The following HAVCR2 variants were observed in gnomAD, a reference collection of about 807,000 sequenced individuals.
HAVCR2 encodes hepatitis A virus cellular receptor 2, also known as T cell immunoglobulin mucin 3.
A neutral mutation model predicts 24.7 loss-of-function variants in HAVCR2; 13 were observed. The observed-to-expected ratio is 0.53, with a 90% CI of 0.34 to 0.84. The LOEUF (loss-of-function observed/expected upper bound fraction) is 0.84. Among genes scored for constraint, HAVCR2 ranks in the 40% least tolerant of loss-of-function variants. HAVCR2 has a pLI of 0.01. For synonymous variants in HAVCR2, 154 were observed against 143.4 expected, an observed-to-expected ratio of 1.07 and a Z score of -0.53; for missense variants, 343 against 371.2, an observed-to-expected ratio of 0.92 and a Z score of 0.62.
intron 5 of HAVCR2, among the ~76,000 whole-genome samples, chr5:157,089,327 C>G (rs950781057): frequency 2.6e-5 from 4 of 152,000 alleles, no homozygotes; most frequent in African/African-American, 9.7e-5. Context: ...AAACAGTACC[C>G]CAGACCCAAG....
At chr5:157,100,612 A>T (rs922826359) in intron 3 of HAVCR2, among the ~76,000 whole-genome samples, 3 of 152,208 alleles carry the variant, frequency 2.0e-5, no homozygotes, top group Admixed American at 2.0e-4. Flanking sequence ...TGAGTCAGAG[A>T]TGTTGAAACT....
chr5:157,087,552 G>A (rs1214400435), intron 6 of HAVCR2, among the ~76,000 whole-genome samples: 1 of 152,032 alleles, frequency 6.6e-6, no homozygotes, highest in Non-Finnish European at 1.5e-5. Flanking sequence ...ATTTCTCGGA[G>A]GTGCAGGCTG....
chr5:157,089,450 C>G (rs937893158), intron 5 of HAVCR2, among the ~76,000 whole-genome samples: 2 of 151,556 alleles, frequency 1.3e-5, no homozygotes, highest in African/African-American at 4.9e-5. Flanking sequence ...GCAGGAGAAT[C>G]ACATGAACCC....
At chr5:157,098,965 T>C in intron 3 of HAVCR2, 64 bp from the exon 4 acceptor site, 1 of 1,476,976 alleles carries the variant, frequency 6.8e-7, no homozygotes, top group Non-Finnish European at 9.2e-7. Flanking sequence ...AAGAACGTTT[T>C]CTTTTATCTA....
intron 5 of HAVCR2, among the ~76,000 whole-genome samples, chr5:157,094,449 T>C (rs972040733): frequency 1.4e-4 from 22 of 151,960 alleles, no homozygotes; most frequent in Middle Eastern, 3.4e-3. Context: ...AGTGGCATGA[T>C]CTGAGCTCAC....
In HAVCR2 at chr5:157,099,942, C is replaced by T. The variant is rs968334217; in HGVS notation, c.479-1041G>A. ...AACTCCTGACCTCAAGTGATCCACCCGCCTCGGCCTCCCAAAGTGCTGGGA... is the reference window on the plus strand; with the variant it reads ...AACTCCTGACCTCAAGTGATCCACCTGCCTCGGCCTCCCAAAGTGCTGGGA... On this transcript the variant is annotated intron_variant, in intron 3 of 6. Coordinates refer to ENST00000307851, the MANE Select transcript of HAVCR2 (RefSeq NM_032782.5). Among the ~76,000 whole-genome samples, 6 of 152,266 alleles carry T rather than the reference C, an allele frequency of 3.9e-5. No individual in the cohort carries two copies. The South Asian group carries it at 6.2e-4, about 16-fold the overall frequency.
intron 5 of HAVCR2, among the ~76,000 whole-genome samples, chr5:157,094,571 TG>T (rs779146922): frequency 6.6e-6 from 1 of 151,696 alleles, no homozygotes; most frequent in South Asian, 2.1e-4. Flanking sequence ...TTAGTAGAGA[TG>T]GGGTCTCACC....
intron 1 of HAVCR2, among the ~76,000 whole-genome samples, chr5:157,107,513 A>G (rs1013934953): frequency 6.6e-6 from 1 of 152,212 alleles, no homozygotes; most frequent in African/African-American, 2.4e-5. Flanking sequence ...TGTATTTGAA[A>G]CTACTCATGG....
Position 157,099,454 on chromosome 5 carries a change from G to C in HAVCR2, c.479-553C>G, listed in dbSNP as rs546088369. Among the ~76,000 whole-genome samples the C allele has an allele frequency of 2.0e-5, 3 of 152,030 alleles. No individual in the cohort carries two copies. The East Asian group carries it at 5.8e-4, about 29-fold the overall frequency. ...GTATTTTTAGTAGAGACGAGGCCAT[G>C]TTGACCAGGCTGGTTGTGAACTCCT... On this transcript the variant is annotated intron_variant, in intron 3 of 6. Coordinates refer to ENST00000307851, the MANE Select transcript of HAVCR2 (RefSeq NM_032782.5).
At chr5:157,089,953 G>C (rs180685684) in intron 5 of HAVCR2, among the ~76,000 whole-genome samples, 1 of 151,824 alleles carries the variant, frequency 6.6e-6, no homozygotes, top group African/African-American at 2.4e-5. Flanking sequence ...ATTTGTTTTG[G>C]GTTTCTTTTA....
chr5:157,099,812 C>T (rs1757144536), intron 3 of HAVCR2, among the ~76,000 whole-genome samples: 3 of 152,188 alleles, frequency 2.0e-5, no homozygotes, highest in Admixed American at 2.0e-4. Context: ...TCTCCTGCCT[C>T]AGCCTCCCTG....
In HAVCR2 at chr5:157,095,400, G is replaced by A. The variant is rs1429344938; in HGVS notation, c.582C>T (p.Asp194=). Residue 194 remains aspartate, a synonymous_variant, in exon 5 of 7, where the codon GAC becomes GAT. Coordinates refer to ENST00000307851, the MANE Select transcript of HAVCR2 (RefSeq NM_032782.5). ...RDSRLANDLR[D]SGATIRIGIY... Reference sequence around the variant, plus strand: ...TGCCTATTCTGATGGTTGCTCCAGAGTCCCGTAAGTCATTGGCCAATCTAG... The same window carrying A: ...TGCCTATTCTGATGGTTGCTCCAGAATCCCGTAAGTCATTGGCCAATCTAG... 1.2e-6 allele frequency: 2 copies of A among 1,613,974 alleles called. No individual in the cohort carries two copies. The highest frequency in any genetic ancestry group is 1.7e-5 in the Admixed American group (1 of 59,980).
chr5:157,097,408 C>T (rs1320089896), intron 4 of HAVCR2, among the ~76,000 whole-genome samples: 1 of 151,932 alleles, frequency 6.6e-6, no homozygotes, highest in Non-Finnish European at 1.5e-5. Flanking sequence ...GTTTGCAGCA[C>T]CATGCCTGGC....
intron 6 of HAVCR2, among the ~76,000 whole-genome samples, chr5:157,088,646 G>A (rs75237191): frequency 0.04 from 6,139 of 152,272 alleles, 305 homozygotes; most frequent in African/African-American, 0.12. Context: ...AGCTCAATCC[G>A]TTGATGTTTC....
chr5:157,108,643 T>C (rs2113697338), intron 1 of HAVCR2, among the ~76,000 whole-genome samples: 1 of 152,332 alleles, frequency 6.6e-6, no homozygotes, highest in East Asian at 1.9e-4. Flanking sequence ...TCCCCGACAA[T>C]GCACACACAC....
chr5:157,094,451 T>G (rs1371952927), intron 5 of HAVCR2, among the ~76,000 whole-genome samples: 2 of 151,950 alleles, frequency 1.3e-5, no homozygotes, highest in African/African-American at 2.4e-5. Flanking sequence ...TGGCATGATC[T>G]GAGCTCACTG....
chr5:157,106,968 TAGAG>T lies in HAVCR2; in HGVS notation c.59-10_59-7del, dbSNP rs761433274. 6.2e-6 allele frequency: 10 copies of T among 1,602,074 alleles called. No individual in the cohort carries two copies. Among genetic ancestry groups the T allele is most frequent in the Non-Finnish European group, 8.5e-6 (10 of 1,172,830 alleles). On this transcript the variant is annotated splice_region_variant and splice_polypyrimidine_tract_variant and intron_variant, in intron 1 of 6. Transcript: ENST00000307851. ...GTATTCCACTTCTGAGGACCCTGCA[TAGAG>T]AGAGAAGGAGAGCCAAGACTCAAGC...
intron 3 of HAVCR2, among the ~76,000 whole-genome samples, chr5:157,100,669 G>T (rs1406497580): frequency 6.6e-6 from 1 of 151,990 alleles, no homozygotes; most frequent in Non-Finnish European, 1.5e-5. Context: ...GTGTATAAAG[G>T]GTTTGACTAA....
chr5:157,098,841 CAA>C lies in HAVCR2; in HGVS notation c.522+15_522+16del. ...TCCAAGTTGAGTACAACATAGCTCA[CAA>C]AAAAAGTTACTTACTGTTAGATTTA... On this transcript the variant is annotated intron_variant, in intron 4 of 6. Coordinates refer to ENST00000307851, the MANE Select transcript of HAVCR2 (RefSeq NM_032782.5). 1 of 1,610,412 alleles carries C rather than the reference CAA, an allele frequency of 6.2e-7. No homozygotes were observed. The highest frequency in any genetic ancestry group is 8.5e-7 in the Non-Finnish European group (1 of 1,177,800).
Sources: gnomAD v4.1 joint callset for allele counts (sites outside exome capture counted in the v4.1 genomes callset) on GRCh38, gnomAD v4.1.1 for gene constraint, MANE v1.5 for transcripts, NCBI Gene and HGNC (gene_info 2026-07-23, HGNC 2026-07-21) for gene names.